HAUS3: variants seen among roughly 807,000 people sequenced by gnomAD.
HAUS3 encodes the protein HAUS augmin-like complex subunit 3.
A neutral mutation model predicts 55.2 loss-of-function variants in HAUS3; 36 were observed. That is an observed-to-expected ratio of 0.65 (90% CI 0.50 to 0.86). The LOEUF (loss-of-function observed/expected upper bound fraction) is 0.86. Ranked by LOEUF, HAUS3 falls within the 40% of genes least tolerant of loss-of-function variation. The pLI is 0.00. For missense variants in HAUS3, 752 were observed against 671.5 expected (o/e 1.12, Z -1.33); for synonymous variants, 234 against 238.6 (o/e 0.98, Z 0.18).
Position 2,241,049 on chromosome 4 carries a change from C to A in HAUS3, c.-103G>T. The A allele has an allele frequency of 1.2e-6, 1 of 812,338 alleles. No homozygotes were observed. 50.3% of individuals were successfully genotyped at this position (812,338 alleles called of 1,614,324 possible). A position where few individuals can be genotyped will look rare whatever the true frequency, so the allele number is the denominator to read the frequency against. On this transcript the variant is annotated 5_prime_UTR_variant, in exon 3 of 6. Transcript: ENST00000443786. Reference sequence around the variant, plus strand: ...AAAAAGCTACGTTTTATACCAAGTCCACAGAGAAGGGAAAATATATTTTTA... The same window carrying A: ...AAAAAGCTACGTTTTATACCAAGTCAACAGAGAAGGGAAAATATATTTTTA...
In HAUS3 at chr4:2,238,939, AG is replaced by A. The variant is rs1560105876; in HGVS notation, c.1013del (p.Ala338ValfsTer3). 1 of 1,608,484 alleles carries A rather than the reference AG, an allele frequency of 6.2e-7. No individual in the cohort carries two copies. The highest frequency in any genetic ancestry group is 8.5e-7 in the Non-Finnish European group (1 of 1,177,736). On this transcript the variant is annotated frameshift_variant, in exon 4 of 6. Transcript: ENST00000443786. LOFTEE classifies it high-confidence loss of function. The part of the protein sequence containing the change: ...VTQIKDRSLP[A>X]VVRENAQLLN... ...ATAACTGGGCATTCTCTCTTACCAC[AG>A]CAGGTAAACTTCTGTCTTTTATTTG...
In HAUS3 at chr4:2,228,424, C is replaced by T. The variant is rs1309683106; in HGVS notation, c.*3503G>A. On this transcript the variant is annotated 3_prime_UTR_variant, in exon 6 of 6. Coordinates refer to ENST00000443786, the MANE Select transcript of HAUS3 (RefSeq NM_001303143.2). ...GGAGACCTCAGCTCACTGCAAGCCC[C>T]GCCTCCTGGGTTCATGCCATTCTCC... The T allele has an allele frequency of 2.3e-5, 6 of 261,262 alleles. No homozygotes were observed. The highest frequency in any genetic ancestry group is 3.8e-5 in the Non-Finnish European group (5 of 130,134). The allele number at this position is 261,262 out of a possible 1,614,324, so 16.2% of individuals were successfully genotyped here.
In HAUS3 at chr4:2,229,257, T is replaced by G. The variant is rs1328900998; in HGVS notation, c.*2670A>C. ...TTTCACAAAATCCTAAATGTAAGAT[T>G]AACATAAGATAAATCCCATATATTA... On this transcript the variant is annotated 3_prime_UTR_variant, in exon 6 of 6. Coordinates refer to ENST00000443786, the MANE Select transcript of HAUS3 (RefSeq NM_001303143.2). 1 of 1,560,024 alleles carries G rather than the reference T, an allele frequency of 6.4e-7. No homozygotes were observed. The highest frequency in any genetic ancestry group is 2.3e-5 in the East Asian group (1 of 44,044).
At position 2,231,808 on chromosome 4, in the gene HAUS3, A is replaced by G. The variant is rs1734587935; in HGVS notation, c.*119T>C. The G allele has an allele frequency of 5.0e-6, 3 of 605,768 alleles. 1 individual carries two copies. Among genetic ancestry groups the G allele is most frequent in the Non-Finnish European group, 8.8e-6 (3 of 341,632 alleles). The allele number at this position is 605,768 out of a possible 1,614,324, so 37.5% of individuals were successfully genotyped here. A position where few individuals can be genotyped will look rare whatever the true frequency, so the allele number is the denominator to read the frequency against. On this transcript the variant is annotated 3_prime_UTR_variant, in exon 6 of 6. Coordinates refer to ENST00000443786, the MANE Select transcript of HAUS3 (RefSeq NM_001303143.2). ...AAAGACAAATTAATATAATAGTTCA[A>G]TTCATCAAATTAAATGTTCCATTGA...
At chr4:2,232,797 T>G (rs1734630943) in intron 5 of HAUS3, among the ~76,000 whole-genome samples, 2 of 152,196 alleles carry the variant, frequency 1.3e-5, no homozygotes, top group African/African-American at 4.8e-5. Flanking sequence ...TAAACCAGAT[T>G]ATTAACAAGT....
At chr4:2,241,464 C>A (rs1272788982) in intron 2 of HAUS3, 56 bp downstream of exon 2, 4 of 981,558 alleles carry the variant, frequency 4.1e-6, no homozygotes, top group Non-Finnish European at 4.8e-6. Context: ...GCCCTCCGTA[C>A]GTAAGAAGAC....
intron 1 of HAUS3, 112 bp downstream of exon 1, chr4:2,241,925 TGGAGCACCTGGAAG>T: frequency 2.0e-6 from 2 of 985,434 alleles, no homozygotes; most frequent in Non-Finnish European, 2.4e-6. Context: ...GGGCAGCTGC[TGGAGCACCTGGAAG>T]GAGCCCCCAG....
Position 2,229,713 on chromosome 4 carries a change from T to G in HAUS3, c.*2214A>C, listed in dbSNP as rs1335758099. ...TGGTGGCACCTGTAATCCCAGCTAC[T>G]CGGGAGGCCTGAGGCAGGAGAATCA... On this transcript the variant is annotated 3_prime_UTR_variant, in exon 6 of 6. Transcript: ENST00000443786. 1 of 152,138 alleles carries G rather than the reference T, an allele frequency of 6.6e-6. No homozygotes were observed. Among genetic ancestry groups the G allele is most frequent in the African/African-American group, 2.4e-5 (1 of 41,292 alleles). The allele number at this position is 152,138 out of a possible 1,614,324, so 9.4% of individuals were successfully genotyped here.
intron 1 of HAUS3, 118 bp from the exon 2 acceptor site, chr4:2,241,908 G>A (rs969820780): frequency 1.0e-6 from 1 of 985,364 alleles, no homozygotes; most frequent in African/African-American, 1.7e-5. Context: ...ACCGGGCCCT[G>A]ATCCCCGGGC....
At chr4:2,237,798 TA>T (rs1734819237) in intron 4 of HAUS3, among the ~76,000 whole-genome samples, 2 of 152,232 alleles carry the variant, frequency 1.3e-5, no homozygotes, top group South Asian at 4.1e-4. Flanking sequence ...TAAATAGCTA[TA>T]ATAGTAAACT....
rs112848548 is a variant in HAUS3 at position 2,238,659 on chromosome 4, A to G, written c.1294T>C (p.Ser432Pro). ...GTATTCCTTGGATTTATCTGTTGAG[A>G]AACTGATGGATCTGTTAACATTTCT... ...QLEMLTDPSV[S>P]QQINPRNTID... Residue 432 changes from serine to proline, a missense_variant, in exon 4 of 6, where the codon TCT becomes CCT. By Grantham distance (74) the Ser-to-Pro change is moderately conservative. Coordinates refer to ENST00000443786, the MANE Select transcript of HAUS3 (RefSeq NM_001303143.2). The G allele has an allele frequency of 6.2e-7, 1 of 1,612,650 alleles. No individual in the cohort carries two copies. The highest frequency in any genetic ancestry group is 8.5e-7 in the Non-Finnish European group (1 of 1,178,880).
chr4:2,232,765 A>C (rs543470752), intron 5 of HAUS3, among the ~76,000 whole-genome samples: 3 of 152,326 alleles, frequency 2.0e-5, no homozygotes, highest in African/African-American at 7.2e-5. Context: ...CAGTAAATTC[A>C]AATTCCTCAG....
intron 5 of HAUS3, among the ~76,000 whole-genome samples, chr4:2,233,378 A>C (rs999388238): frequency 1.3e-5 from 2 of 152,158 alleles, no homozygotes; most frequent in Non-Finnish European, 2.9e-5. Context: ...GAAAAACACT[A>C]ATGATACCCA....
At position 2,241,561 on chromosome 4, in the gene HAUS3, C is replaced by A. The variant is rs999265891; in HGVS notation, c.-189G>T. The A allele has an allele frequency of 7.1e-6, 7 of 985,778 alleles. No individual in the cohort carries two copies. In the African/African-American group the frequency reaches 1.0e-4, roughly 15 times the overall value. The allele number at this position is 985,778 out of a possible 1,614,324, so 61.1% of individuals were successfully genotyped here. On this transcript the variant is annotated 5_prime_UTR_variant, in exon 2 of 6. Coordinates refer to ENST00000443786, the MANE Select transcript of HAUS3 (RefSeq NM_001303143.2). ...GCAAGGCTCCACCTCCAGAGTCCAC[C>A]ACCGCGACGCGGAGAACAGCAGGAG...
At position 2,229,384 on chromosome 4, in the gene HAUS3, A is replaced by G. The variant is rs1201209837; in HGVS notation, c.*2543T>C. ...TCATAACCACAGAAAATAGGCATCA[A>G]TCATCCAATAATATAGATAGAAAGA... On this transcript the variant is annotated 3_prime_UTR_variant, in exon 6 of 6. Coordinates refer to ENST00000443786, the MANE Select transcript of HAUS3 (RefSeq NM_001303143.2). The G allele has an allele frequency of 1.5e-6, 1 of 654,024 alleles. No individual in the cohort carries two copies. Among genetic ancestry groups the G allele is most frequent in the South Asian group, 2.9e-5 (1 of 34,748 alleles). The allele number at this position is 654,024 out of a possible 1,614,324, so 40.5% of individuals were successfully genotyped here. A position where few individuals can be genotyped will look rare whatever the true frequency, so the allele number is the denominator to read the frequency against.
In HAUS3 at chr4:2,232,015, T is replaced by C. The variant is rs1337121435; in HGVS notation, c.1724A>G (p.Tyr575Cys). 2 of 1,508,100 alleles carry C rather than the reference T, an allele frequency of 1.3e-6. No individual in the cohort carries two copies. The highest frequency in any genetic ancestry group is 1.8e-6 in the Non-Finnish European group (2 of 1,090,650). 93.4% of individuals were successfully genotyped at this position (1,508,100 alleles called of 1,614,324 possible). Residue 575 changes from tyrosine to cysteine, a missense_variant, in exon 6 of 6, where the codon TAT becomes TGT. Coordinates refer to ENST00000443786, the MANE Select transcript of HAUS3 (RefSeq NM_001303143.2). The part of the protein sequence containing the change: ...LHQMEREFYV[Y>C]FLKDEDYLKD... Reference sequence around the variant, plus strand: ...CAGATAATCTTCATCTTTTAAAAAATATACATAGAATTCTCTTTCCATTTG... The same window carrying C: ...CAGATAATCTTCATCTTTTAAAAAACATACATAGAATTCTCTTTCCATTTG...
rs1421531677 is a variant in HAUS3, at chr4:2,231,869, C to T, written c.*58G>A. On this transcript the variant is annotated 3_prime_UTR_variant, in exon 6 of 6. Coordinates refer to ENST00000443786, the MANE Select transcript of HAUS3 (RefSeq NM_001303143.2). ...TAAAAATTTAGTAGTGTTTATTATA[C>T]ACAGTCTTCTAATAAATAAAAGAGG... 2.7e-6 allele frequency: 2 copies of T among 754,506 alleles called. No homozygotes were observed. Among genetic ancestry groups the T allele is most frequent in the African/African-American group, 1.8e-5 (1 of 54,880 alleles). The allele number at this position is 754,506 out of a possible 1,614,324, so 46.7% of individuals were successfully genotyped here. A position where few individuals can be genotyped will look rare whatever the true frequency, so the allele number is the denominator to read the frequency against.
At chr4:2,235,435 C>T (rs28649478) in intron 5 of HAUS3, among the ~76,000 whole-genome samples, 25,296 of 152,130 alleles carry the variant, frequency 0.17, 3,601 homozygotes, top group African/African-American at 0.37. Context: ...CATATAAGAC[C>T]ATCATAGCAG....
At position 2,240,638 on chromosome 4, in the gene HAUS3, C is replaced by T; in HGVS notation, c.309G>A (p.Glu103=). Reference sequence around the variant, plus strand: ...ATTTCAGTAGAGTTTGAACCTCATCCTCTAATTTCTCCAGCTCTTTATCAT... The same window carrying T: ...ATTTCAGTAGAGTTTGAACCTCATCTTCTAATTTCTCCAGCTCTTTATCAT... ...RLDDKELEKL[E]DEVQTLLKLK... Residue 103 remains glutamate, a synonymous_variant, in exon 3 of 6, where the codon GAG becomes GAA. Coordinates refer to ENST00000443786, the MANE Select transcript of HAUS3 (RefSeq NM_001303143.2). 1 of 1,613,686 alleles carries T rather than the reference C, an allele frequency of 6.2e-7. No homozygotes were observed. The highest frequency in any genetic ancestry group is 8.5e-7 in the Non-Finnish European group (1 of 1,179,946).
Sources: allele counts gnomAD v4.1 joint callset (sites outside exome capture counted in the v4.1 genomes callset), GRCh38; gene constraint gnomAD v4.1.1; transcripts MANE v1.5; gene names NCBI Gene and HGNC (gene_info 2026-07-23, HGNC 2026-07-21).